Variants in MORC4 observed in about 807,000 individuals in gnomAD.
MORC4 encodes the protein MORC family CW-type zinc finger protein 4.
In MORC4, 22 loss-of-function variants were observed where a neutral mutation model predicts 65.5. That is an observed-to-expected ratio of 0.34 (90% CI 0.24 to 0.48). The LOEUF (loss-of-function observed/expected upper bound fraction) is 0.48, where lower values mean the gene tolerates loss of function less well. MORC4 is among the 20% of genes least tolerant of loss of function. MORC4 has a pLI of 0.99. For synonymous variants in MORC4, 267 were observed against 255.8 expected (o/e 1.04, Z -0.42); for missense variants, 624 against 703.0 (o/e 0.89, Z 1.27).
In MORC4 at chrX:106,985,286, G is replaced by C. The variant is rs780864480; in HGVS notation, c.527-43C>G. On this transcript the variant is annotated intron_variant, in intron 4 of 16. Transcript: ENST00000355610. Reference sequence around the variant, plus strand: ...CAAAGAAAAAATAATATCTTAGGATGCTATTGAGAAGGAAGATCTGCCCTT... The same window carrying C: ...CAAAGAAAAAATAATATCTTAGGATCCTATTGAGAAGGAAGATCTGCCCTT... 38 of 998,586 alleles carry C rather than the reference G, an allele frequency of 3.8e-5. 1 individual carries two copies. The highest frequency in any genetic ancestry group is 8.1e-6 in the Non-Finnish European group (6 of 737,972). 82.3% of individuals were successfully genotyped at this position (998,586 alleles called of 1,213,427 possible). A position where few individuals can be genotyped will look rare whatever the true frequency, so the allele number is the denominator to read the frequency against.
At chrX:106,966,995 G>A (rs945151768) in intron 9 of MORC4, among the ~76,000 whole-genome samples, 1 of 112,082 alleles carries the variant, frequency 8.9e-6, no homozygotes. Flanking sequence ...CGGACAGACT[G>A]CCTCCTCAAG....
rs1310058960 is a variant in MORC4 at position 106,976,697 on chromosome X, T to C, written c.1057-13A>G. On this transcript the variant is annotated splice_polypyrimidine_tract_variant and intron_variant, in intron 8 of 16. Transcript: ENST00000355610. ...CTCCACGAGTTGGCTTAGAAGAAAA[T>C]ATTAATTTCAACACTTACATTACTG... is the stretch of plus-strand genomic sequence containing the variant. The C allele has an allele frequency of 2.6e-6, 3 of 1,144,124 alleles. No individual in the cohort carries two copies. Among genetic ancestry groups the C allele is most frequent in the Non-Finnish European group, 3.6e-6 (3 of 835,617 alleles). 94.3% of individuals were successfully genotyped at this position (1,144,124 alleles called of 1,213,427 possible).
rs181693988 is a variant in MORC4, at chrX:106,973,355, T to C, written c.1157+3229A>G. On this transcript the variant is annotated intron_variant, in intron 9 of 16. Coordinates refer to ENST00000355610, the MANE Select transcript of MORC4 (RefSeq NM_024657.5). Reference sequence around the variant, plus strand: ...AGGAGTTTTGCCCTAAGATGTGCCATACTCAGAGTATTGCCCTTATGTGAT... The same window carrying C: ...AGGAGTTTTGCCCTAAGATGTGCCACACTCAGAGTATTGCCCTTATGTGAT... 2.7e-5 allele frequency among the ~76,000 whole-genome samples: 3 copies of C among 112,186 alleles called. No individual in the cohort carries two copies. In the East Asian group the frequency reaches 8.4e-4, roughly 31 times the overall value.
intron 9 of MORC4, among the ~76,000 whole-genome samples, chrX:106,975,824 A>G (rs1934610614): frequency 9.0e-6 from 1 of 110,745 alleles, no homozygotes; most frequent in African/African-American, 3.3e-5. Flanking sequence ...GACTCCCTTA[A>G]GCATATTTAA....
chrX:106,968,343 T>C (rs1934423056), intron 9 of MORC4, among the ~76,000 whole-genome samples: 1 of 110,827 alleles, frequency 9.0e-6, no homozygotes, highest in African/African-American at 3.3e-5. Context: ...GAACAACTGG[T>C]ACCAGCCACT....
chrX:106,976,834 T>C, intron 8 of MORC4, 150 bp from the exon 9 acceptor site: 2 of 383,186 alleles, frequency 5.2e-6, no homozygotes, highest in Non-Finnish European at 9.1e-6. Flanking sequence ...AGAATGTACA[T>C]CAACAGACTG....
intron 11 of MORC4, among the ~76,000 whole-genome samples, chrX:106,958,066 T>C (rs762161555): frequency 4.5e-5 from 5 of 112,003 alleles, no homozygotes; most frequent in South Asian, 7.5e-4. Context: ...CAGAAAGTCA[T>C]TGCAAGCAAG....
At chrX:106,975,376 C>T (rs758732778) in intron 9 of MORC4, among the ~76,000 whole-genome samples, 3 of 110,876 alleles carry the variant, frequency 2.7e-5, no homozygotes, top group Non-Finnish European at 5.7e-5. Flanking sequence ...TTTAAATGAC[C>T]ATTTTACTTA....
In MORC4 at chrX:106,958,374, T is replaced by C; in HGVS notation, c.1347A>G (p.Ala449=). 1 of 1,206,321 alleles carries C rather than the reference T, an allele frequency of 8.3e-7. No homozygotes were observed. Among genetic ancestry groups the C allele is most frequent in the Non-Finnish European group, 1.1e-6 (1 of 891,062 alleles). Residue 449 remains alanine, a synonymous_variant, in exon 11 of 17, where the codon GCA becomes GCG. Coordinates refer to ENST00000355610, the MANE Select transcript of MORC4 (RefSeq NM_024657.5). ...GGGAATTATAATAACAAAACCATCT[T>C]GCAGGTAACATGGATGGATCAATCT... ...PGKIDPSMLP[A]RWFCYYNSHP...
chrX:106,965,707 A>AAT (rs1934357575), intron 9 of MORC4, among the ~76,000 whole-genome samples: 1 of 112,500 alleles, frequency 8.9e-6, no homozygotes, highest in African/African-American at 3.2e-5. Context: ...CATTAGTAGA[A>AAT]ATATATATGT....
chrX:106,960,633 C>A (rs1487548523), intron 10 of MORC4, among the ~76,000 whole-genome samples: 7 of 111,960 alleles, frequency 6.3e-5, no homozygotes, highest in Non-Finnish European at 1.3e-4. Flanking sequence ...CAGTGCCTGA[C>A]ATATAAGTAA....
intron 14 of MORC4, 111 bp downstream of exon 14, chrX:106,954,802 T>A: frequency 1.4e-6 from 1 of 696,018 alleles, no homozygotes; most frequent in Non-Finnish European, 2.2e-6. Flanking sequence ...ACTTCTGAAT[T>A]CCATGCTAGG....
chrX:106,947,407 T>C (rs1933855816), intron 14 of MORC4, among the ~76,000 whole-genome samples: 1 of 107,248 alleles, frequency 9.3e-6, no homozygotes, highest in African/African-American at 3.4e-5. Context: ...TTGATCTTCC[T>C]AGTTGTTGTA....
At chrX:106,960,216 G>A (rs1191883455) in intron 10 of MORC4, among the ~76,000 whole-genome samples, 1 of 112,429 alleles carries the variant, frequency 8.9e-6, no homozygotes, top group Non-Finnish European at 1.9e-5. Context: ...ATATGCATAG[G>A]AGAGTCTCTT....
intron 2 of MORC4, among the ~76,000 whole-genome samples, chrX:106,995,118 A>T (rs1053810474): frequency 3.6e-5 from 4 of 111,528 alleles, no homozygotes; most frequent in Admixed American, 9.5e-5. Context: ...GTAATTTTGT[A>T]GCCATTAACC....
At chrX:106,967,375 G>T (rs1308190442) in intron 9 of MORC4, among the ~76,000 whole-genome samples, 2 of 112,114 alleles carry the variant, frequency 1.8e-5, no homozygotes, top group Non-Finnish European at 3.8e-5. Context: ...AGAGCAGAAA[G>T]GCTGAAAATT....
chrX:106,992,950 T>C (rs942432315), intron 3 of MORC4, among the ~76,000 whole-genome samples: 1 of 112,345 alleles, frequency 8.9e-6, no homozygotes, highest in African/African-American at 3.2e-5. Flanking sequence ...TGGGATCAGA[T>C]TGGGCTCCCC....
intron 8 of MORC4, 83 bp from the exon 9 acceptor site, chrX:106,976,767 A>G (rs1934633699): frequency 1.5e-6 from 1 of 662,183 alleles, no homozygotes; most frequent in Admixed American, 2.4e-5. Flanking sequence ...ACAATAATAG[A>G]AAGGTTACAT....
In MORC4 at chrX:106,993,379, T is replaced by A; in HGVS notation, c.176-17A>T. 1 of 1,200,251 alleles carries A rather than the reference T, an allele frequency of 8.3e-7. No individual in the cohort carries two copies. The highest frequency in any genetic ancestry group is 1.1e-6 in the Non-Finnish European group (1 of 888,079). ...CAGCATTATCTGCAAAAGGTAGAAA[T>A]CTGCGATATTAGATCCCCTTTTCCA... On this transcript the variant is annotated splice_polypyrimidine_tract_variant and intron_variant, in intron 2 of 16. Transcript: ENST00000355610.
Sources: gnomAD v4.1 joint callset for allele counts (sites outside exome capture counted in the v4.1 genomes callset) on GRCh38, gnomAD v4.1.1 for gene constraint, MANE v1.5 for transcripts, NCBI Gene and HGNC (gene_info 2026-07-23, HGNC 2026-07-21) for gene names.